Variants in ZNF83 observed in about 807,000 individuals in gnomAD.
ZNF83 encodes the protein zinc finger protein 816B.
For missense variants in ZNF83, 552 were observed against 629.9 expected, an observed-to-expected ratio of 0.88 and a Z score of 1.32; for synonymous variants, 209 against 213.0, an observed-to-expected ratio of 0.98 and a Z score of 0.17.
chr19:52,688,867 C>A (rs890304497), intron 1 of ZNF83, among the ~76,000 whole-genome samples: 1 of 148,866 alleles, frequency 6.7e-6, no homozygotes, highest in Non-Finnish European at 1.5e-5. Flanking sequence ...ACATCAAGAA[C>A]GGTTACAGGA....
chr19:52,649,333 A>G (rs2061414552), intron 3 of ZNF83, among the ~76,000 whole-genome samples: 1 of 152,178 alleles, frequency 6.6e-6, no homozygotes, highest in South Asian at 2.1e-4. Flanking sequence ...TTATAAAATG[A>G]TACAAAAGAT....
Position 52,664,046 on chromosome 19 carries a change from A to G in ZNF83, c.-282-3203T>C, listed in dbSNP as rs377271929. Among the ~76,000 whole-genome samples the G allele has an allele frequency of 2.2e-4, 34 of 152,282 alleles. 1 individual carries two copies. In the East Asian group the frequency reaches 5.6e-3, roughly 25 times the overall value. ...ATTACAGGCAAGCATCACCATGCTC[A>G]GCTAATTTCAGTATTTCAGTTGAGA... On this transcript the variant is annotated intron_variant, in intron 1 of 5. Coordinates refer to the ZNF83 transcript ENST00000594682.
At chr19:52,687,584 A>ATATAATG (rs1474454871) in intron 1 of ZNF83, among the ~76,000 whole-genome samples, 1 of 37,330 alleles carries the variant, frequency 2.7e-5, no homozygotes, top group African/African-American at 2.7e-4. Context: ...AATTTTATAT[A>ATATAATG]TATATATATA....
At chr19:52,616,562 G>A (rs145043363) in intron 2 of ZNF83, among the ~76,000 whole-genome samples, 383 of 152,264 alleles carry the variant, frequency 2.5e-3, no homozygotes, top group Non-Finnish European at 4.2e-3. Flanking sequence ...GAACGAGGTT[G>A]GCAGGACACA....
At chr19:52,664,328 T>C (rs2061618976) in intron 1 of ZNF83, among the ~76,000 whole-genome samples, 1 of 151,902 alleles carries the variant, frequency 6.6e-6, no homozygotes, top group South Asian at 2.1e-4. Context: ...AAAGCCCGTC[T>C]CTATGAGGAA....
chr19:52,634,996 T>C, intron 2 of ZNF83, 70 bp downstream of exon 2: 2 of 719,032 alleles, frequency 2.8e-6, no homozygotes, highest in Middle Eastern at 2.4e-4. Context: ...CCAGAGAAGA[T>C]TCCCAACTCC....
chr19:52,616,170 C>T (rs2060297982), intron 2 of ZNF83, among the ~76,000 whole-genome samples: 1 of 152,184 alleles, frequency 6.6e-6, no homozygotes, highest in Non-Finnish European at 1.5e-5. Flanking sequence ...ACTTTTCCAT[C>T]TTTACAAAAA....
intron 1 of ZNF83, among the ~76,000 whole-genome samples, chr19:52,676,613 C>T (rs940175256): frequency 1.2e-4 from 18 of 150,328 alleles, no homozygotes; most frequent in East Asian, 1.9e-4. Flanking sequence ...GCCACCACCC[C>T]GTCTGGGAGG....
At chr19:52,649,679 A>T (rs919188675) in intron 3 of ZNF83, among the ~76,000 whole-genome samples, 2 of 152,264 alleles carry the variant, frequency 1.3e-5, no homozygotes, top group South Asian at 4.1e-4. Context: ...ATGAGAACAA[A>T]TGAGAAAATA....
At chr19:52,676,647 C>G (rs1463398324) in intron 1 of ZNF83, among the ~76,000 whole-genome samples, 3 of 145,380 alleles carry the variant, frequency 2.1e-5, no homozygotes. Flanking sequence ...TCATTGAGAA[C>G]GGGCCAGGAT....
intron 1 of ZNF83, among the ~76,000 whole-genome samples, chr19:52,690,140 G>A (rs138657335): frequency 6.0e-4 from 90 of 149,148 alleles, no homozygotes; most frequent in African/African-American, 2.1e-3. Context: ...GGGTGAGGAC[G>A]TTAAAAAGCG....
chr19:52,685,993 C>T (rs948190684), intron 1 of ZNF83, among the ~76,000 whole-genome samples: 1 of 151,820 alleles, frequency 6.6e-6, no homozygotes, highest in Non-Finnish European at 1.5e-5. Context: ...TGTCCAAACG[C>T]ACCAGAGGGC....
chr19:52,613,514 C>T, exon 3 of ZNF83: 6 of 1,614,168 alleles, frequency 3.7e-6, no homozygotes, highest in Non-Finnish European at 5.1e-6. Flanking sequence ...AAGACCTTGC[C>T]ACATTCATTA....
exon 3 of ZNF83, chr19:52,613,227 A>T (rs560315266): frequency 6.2e-7 from 1 of 1,613,644 alleles, no homozygotes; most frequent in Non-Finnish European, 8.5e-7. Context: ...TTTTCCGATG[A>T]TGTGCTAGGG....
At chr19:52,641,629 G>A (rs567821300), upstream of ZNF83, among the ~76,000 whole-genome samples, 3 of 152,206 alleles carry the variant, frequency 2.0e-5, no homozygotes, top group Admixed American at 6.5e-5. Context: ...TGCCCAGGCT[G>A]GAGTGCAATG....
intron 1 of ZNF83, among the ~76,000 whole-genome samples, chr19:52,674,872 C>A (rs1041247106): frequency 6.6e-6 from 1 of 152,194 alleles, no homozygotes; most frequent in African/African-American, 2.4e-5. Flanking sequence ...AAATCCCTAT[C>A]AGTTTTTGTC....
intron 1 of ZNF83, among the ~76,000 whole-genome samples, chr19:52,682,786 T>C (rs944577296): frequency 2.0e-5 from 3 of 152,220 alleles, no homozygotes; most frequent in African/African-American, 7.2e-5. Flanking sequence ...GGGGATCACT[T>C]GAGCCCAGGA....
At chr19:52,616,445 T>C (rs2060307475) in intron 2 of ZNF83, among the ~76,000 whole-genome samples, 1 of 152,166 alleles carries the variant, frequency 6.6e-6, no homozygotes, top group African/African-American at 2.4e-5. Context: ...TGCAGCAATA[T>C]TTACAATAGC....
At chr19:52,619,839 A>G (rs1436198383) in intron 2 of ZNF83, among the ~76,000 whole-genome samples, 1 of 152,148 alleles carries the variant, frequency 6.6e-6, no homozygotes, top group Non-Finnish European at 1.5e-5. Context: ...GTAATCCAAG[A>G]TCACACCACT....
Sources: allele counts gnomAD v4.1 joint callset (sites outside exome capture counted in the v4.1 genomes callset), GRCh38; gene constraint gnomAD v4.1.1; transcripts MANE v1.5; gene names NCBI Gene and HGNC (gene_info 2026-07-23, HGNC 2026-07-21).